DIP2C: variants seen among roughly 807,000 people sequenced by gnomAD.
DIP2C encodes the protein disco-interacting protein 2 homolog C.
A neutral mutation model predicts 192.4 loss-of-function variants in DIP2C; 33 were observed. The observed-to-expected ratio is 0.17, with a 90% CI of 0.13 to 0.23. The LOEUF (loss-of-function observed/expected upper bound fraction) is 0.23. DIP2C is among the 10% of genes least tolerant of loss of function. The pLI is 1.00. For missense variants in DIP2C, 1,537 were observed against 2,110.1 expected (o/e 0.73, Z 5.32); for synonymous variants, 979 against 864.1 (o/e 1.13, Z -2.33).
At chr10:628,164 G>A (rs1854306535) in intron 1 of DIP2C, among the ~76,000 whole-genome samples, 1 of 152,162 alleles carries the variant, frequency 6.6e-6, no homozygotes, top group South Asian at 2.1e-4. Context: ...CTTCTAAGTA[G>A]CAGATTAGGA....
At chr10:624,399 C>T (rs1854067730) in intron 1 of DIP2C, among the ~76,000 whole-genome samples, 2 of 152,332 alleles carry the variant, frequency 1.3e-5, no homozygotes, top group South Asian at 4.1e-4. Context: ...GCTCCAGGGG[C>T]CCCAAAACAC....
At chr10:412,988 CTGAT>C (rs1374998159) in intron 8 of DIP2C, among the ~76,000 whole-genome samples, 2 of 152,150 alleles carry the variant, frequency 1.3e-5, no homozygotes, top group African/African-American at 4.8e-5. Context: ...AAAATTCTAA[CTGAT>C]TAATTTTTTA....
intron 1 of DIP2C, among the ~76,000 whole-genome samples, chr10:513,452 C>CA (rs1846156374): frequency 2.0e-5 from 3 of 152,210 alleles, no homozygotes; most frequent in Non-Finnish European, 4.4e-5. Context: ...TCTCATCCAC[C>CA]ACAGCACACT....
chr10:616,926 G>A (rs1853508250), intron 1 of DIP2C, among the ~76,000 whole-genome samples: 2 of 152,220 alleles, frequency 1.3e-5, no homozygotes, highest in Non-Finnish European at 2.9e-5. Context: ...TGGGGAGGTG[G>A]AGGGCAAATT....
chr10:557,463 C>T (rs1296531757), intron 1 of DIP2C, among the ~76,000 whole-genome samples: 1 of 151,500 alleles, frequency 6.6e-6, no homozygotes, highest in Non-Finnish European at 1.5e-5. Flanking sequence ...TGCAGACAGG[C>T]TCCCAGGCCA....
At chr10:620,198 T>C (rs1853768662) in intron 1 of DIP2C, among the ~76,000 whole-genome samples, 1 of 152,242 alleles carries the variant, frequency 6.6e-6, no homozygotes, top group Non-Finnish European at 1.5e-5. Context: ...TTGTGCTTTA[T>C]TCAATTTTTA....
intron 8 of DIP2C, 63 bp downstream of exon 8, chr10:413,850 C>A: frequency 6.5e-7 from 1 of 1,546,136 alleles, no homozygotes; most frequent in Admixed American, 1.8e-5. Flanking sequence ...ACTGAGTTTC[C>A]TGCGTTCGGG....
chr10:396,293 T>A (rs546387898), intron 10 of DIP2C, among the ~76,000 whole-genome samples: 1 of 152,210 alleles, frequency 6.6e-6, no homozygotes, highest in Non-Finnish European at 1.5e-5. Flanking sequence ...TTTGAGATAA[T>A]AGGATGGCAT....
chr10:483,447 C>A, intron 2 of DIP2C, among the ~76,000 whole-genome samples: 1 of 152,242 alleles, frequency 6.6e-6, no homozygotes. Flanking sequence ...TCACAAGCAA[C>A]GTCTCCAAAT....
At chr10:668,804 G>T (rs756376939) in intron 1 of DIP2C, 8 of 152,242 alleles carry the variant, frequency 5.3e-5, no homozygotes, top group Non-Finnish European at 1.0e-4. Flanking sequence ...TTCAGCTGCT[G>T]TTCAGATTCA....
intron 3 of DIP2C, among the ~76,000 whole-genome samples, chr10:457,499 T>C (rs1272514085): frequency 6.6e-6 from 1 of 152,188 alleles, no homozygotes; most frequent in African/African-American, 2.4e-5. Context: ...TTCTGCTACA[T>C]TGATATGTCC....
At chr10:634,031 G>A (rs184162119) in intron 1 of DIP2C, among the ~76,000 whole-genome samples, 13 of 152,290 alleles carry the variant, frequency 8.5e-5, no homozygotes, top group East Asian at 3.9e-4. Context: ...CAGGCTGGCC[G>A]CCTTCCAGAA....
At chr10:524,967 CAAAAAA>C (rs10652748) in intron 1 of DIP2C, among the ~76,000 whole-genome samples, 1 of 111,212 alleles carries the variant, frequency 9.0e-6, no homozygotes, top group Non-Finnish European at 1.7e-5. Flanking sequence ...ATCACAATTT[CAAAAAA>C]AAAAAAAAAA....
intron 29 of DIP2C, among the ~76,000 whole-genome samples, chr10:330,404 C>G (rs1020913510): frequency 2.0e-5 from 3 of 152,112 alleles, no homozygotes; most frequent in African/African-American, 7.2e-5. Flanking sequence ...CTTGTCAAAA[C>G]TACATTTTTA....
chr10:476,342 G>A (rs1250018414), intron 2 of DIP2C, among the ~76,000 whole-genome samples: 1 of 152,178 alleles, frequency 6.6e-6, no homozygotes, highest in Non-Finnish European at 1.5e-5. Context: ...CTGCGGTCGT[G>A]GCCCCAATCC....
intron 1 of DIP2C, among the ~76,000 whole-genome samples, chr10:616,996 C>T (rs1368688894): frequency 6.6e-6 from 1 of 152,110 alleles, no homozygotes; most frequent in Non-Finnish European, 1.5e-5. Context: ...GGAAAGAAAG[C>T]CAGGGAGGGA....
At chr10:412,487 G>A (rs189658568) in intron 8 of DIP2C, among the ~76,000 whole-genome samples, 1 of 152,294 alleles carries the variant, frequency 6.6e-6, no homozygotes, top group African/African-American at 2.4e-5. Context: ...CTATTTCTGA[G>A]AGCATAATTA....
chr10:422,767 G>T, intron 5 of DIP2C, 57 bp downstream of exon 5: 1 of 1,551,790 alleles, frequency 6.4e-7, no homozygotes, highest in Non-Finnish European at 8.7e-7. Context: ...CAGAGAATGT[G>T]CACACACAAA....
intron 2 of DIP2C, among the ~76,000 whole-genome samples, chr10:473,667 C>CGTCGT (rs1970831589): frequency 6.6e-6 from 1 of 151,772 alleles, no homozygotes; most frequent in Non-Finnish European, 1.5e-5. Flanking sequence ...CGTCATCCTA[C>CGTCGT]GTCGTCCCCA....
Sources: allele counts gnomAD v4.1 joint callset (sites outside exome capture counted in the v4.1 genomes callset), GRCh38; gene constraint gnomAD v4.1.1; transcripts MANE v1.5; gene names NCBI Gene and HGNC (gene_info 2026-07-23, HGNC 2026-07-21).